The following OPN5 variants were observed in gnomAD, a reference collection of about 807,000 sequenced individuals.
OPN5 encodes the protein opsin 5.
OPN5 carries 18 observed loss-of-function variants against 41.7 expected under a neutral mutation model. The ratio of observed to expected loss-of-function variants is 0.43; its 90% CI spans 0.30 to 0.64. The LOEUF (loss-of-function observed/expected upper bound fraction) is 0.64. Ranked by LOEUF, OPN5 falls within the 30% of genes least tolerant of loss-of-function variation. The pLI is 0.13. For missense variants in OPN5, 318 were observed against 434.5 expected, an observed-to-expected ratio of 0.73 and a Z score of 2.38; for synonymous variants, 178 against 164.3, an observed-to-expected ratio of 1.08 and a Z score of -0.64.
At chr6:47,789,450 C>T (rs144574128) in intron 2 of OPN5, among the ~76,000 whole-genome samples, 1,622 of 149,500 alleles carry the variant, frequency 0.011, 35 homozygotes, top group African/African-American at 0.038. Flanking sequence ...ATAAACTTGT[C>T]AGTCTTGATC....
At chr6:47,811,598 G>A in intron 5 of OPN5, 76 bp from the exon 6 acceptor site, 2 of 804,104 alleles carry the variant, frequency 2.5e-6, no homozygotes, top group Non-Finnish European at 2.1e-6. Flanking sequence ...ATATACATAT[G>A]TATGTATATG....
At chr6:47,819,379 A>AAT (rs544310153) in intron 6 of OPN5, among the ~76,000 whole-genome samples, 4,094 of 96,702 alleles carry the variant, frequency 0.042, 178 homozygotes, top group Non-Finnish European at 0.065. Flanking sequence ...TATAAGTAGA[A>AAT]ATATATATAT....
At chr6:47,826,091 A>T (rs752725541), downstream of OPN5, 1 of 152,060 alleles carries the variant, frequency 6.6e-6, no homozygotes, top group Non-Finnish European at 1.5e-5. Flanking sequence ...AAAAATTTTA[A>T]TGGAATTTTT....
intron 5 of OPN5, 139 bp from the exon 6 acceptor site, chr6:47,811,535 G>A (rs1774203804): frequency 4.6e-6 from 2 of 431,740 alleles, no homozygotes; most frequent in Non-Finnish European, 8.3e-6. Flanking sequence ...ATTATTTTCT[G>A]TCTGTTGCTA....
intron 6 of OPN5, among the ~76,000 whole-genome samples, chr6:47,819,001 A>G (rs1009979955): frequency 5.9e-5 from 9 of 152,036 alleles, no homozygotes; most frequent in African/African-American, 2.2e-4. Flanking sequence ...ATGAAGACAG[A>G]CATTTATAAG....
intron 2 of OPN5, among the ~76,000 whole-genome samples, chr6:47,790,706 T>C (rs1405399511): frequency 1.3e-5 from 2 of 152,226 alleles, no homozygotes; most frequent in Non-Finnish European, 2.9e-5. Context: ...AAACTCACAC[T>C]TTCTTTCTCC....
At chr6:47,800,336 G>A (rs1405755195) in intron 4 of OPN5, among the ~76,000 whole-genome samples, 1 of 152,144 alleles carries the variant, frequency 6.6e-6, no homozygotes, top group Non-Finnish European at 1.5e-5. Flanking sequence ...ATGGGTGCTT[G>A]CTACTGACTG....
At chr6:47,820,186 T>C (rs888891077) in intron 6 of OPN5, among the ~76,000 whole-genome samples, 6 of 151,784 alleles carry the variant, frequency 4.0e-5, no homozygotes, top group African/African-American at 1.5e-4. Flanking sequence ...TTGCAAATCC[T>C]AAAATAGGAA....
intron 1 of OPN5, among the ~76,000 whole-genome samples, chr6:47,784,355 G>T (rs1246569597): frequency 6.6e-6 from 1 of 151,816 alleles, no homozygotes; most frequent in Non-Finnish European, 1.5e-5. Flanking sequence ...GGAGTGCAGT[G>T]GTGCGATCTC....
In OPN5 at chr6:47,806,613, G is replaced by A. The variant is rs1004688965; in HGVS notation, c.757-1541G>A. On this transcript the variant is annotated intron_variant, in intron 4 of 6. Coordinates refer to ENST00000371211, the Ensembl canonical transcript of OPN5. The stretch of plus-strand genomic sequence containing the variant: ...CTACAGGCTAATCCTCCTAAGCAGC[G>A]CTCTCATCATATTTCCTGCTCAAAA... Among the ~76,000 whole-genome samples the A allele has an allele frequency of 2.0e-5, 3 of 151,954 alleles. No individual in the cohort carries two copies. The East Asian group carries it at 5.8e-4, about 29-fold the overall frequency.
chr6:47,795,627 G>A, intron 4 of OPN5, 64 bp downstream of exon 4: 1 of 1,138,762 alleles, frequency 8.8e-7, no homozygotes, highest in Non-Finnish European at 1.3e-6. Flanking sequence ...GGGTACAAAG[G>A]ATAGGGAACG....
intron 2 of OPN5, among the ~76,000 whole-genome samples, chr6:47,789,406 GT>G (rs35576844): frequency 0.088 from 12,498 of 141,752 alleles, 810 homozygotes; most frequent in African/African-American, 0.2. Flanking sequence ...AAATTTAGGT[GT>G]TTTTTTTTTT....
chr6:47,823,907 C>T, intron 6 of OPN5, 76 bp from the exon 7 acceptor site: 1 of 1,060,348 alleles, frequency 9.4e-7, no homozygotes, highest in Non-Finnish European at 1.4e-6. Flanking sequence ...TGTTTAGGCT[C>T]TGAATTTAGT....
At chr6:47,808,446 C>T (rs368893910) in intron 5 of OPN5, 51 bp downstream of exon 5, 80 of 1,602,390 alleles carry the variant, frequency 5.0e-5, no homozygotes, top group East Asian at 8.9e-5. Flanking sequence ...TTTCAAAATC[C>T]GGCAGGGTTC....
intron 6 of OPN5, among the ~76,000 whole-genome samples, chr6:47,815,196 C>T (rs1160748854): frequency 6.6e-6 from 1 of 152,056 alleles, no homozygotes; most frequent in Non-Finnish European, 1.5e-5. Context: ...AAGTTTTTGA[C>T]TTTTAGAAAT....
chr6:47,798,983 C>A (rs1437975344), intron 4 of OPN5, among the ~76,000 whole-genome samples: 3 of 152,068 alleles, frequency 2.0e-5, no homozygotes, highest in Non-Finnish European at 2.9e-5. Context: ...AGATCAAAAT[C>A]ATTTAGTTTT....
chr6:47,791,622 T>G (rs1336437580), intron 2 of OPN5, among the ~76,000 whole-genome samples, 180 bp from the exon 3 acceptor site: 2 of 152,242 alleles, frequency 1.3e-5, no homozygotes, highest in Non-Finnish European at 2.9e-5. Context: ...AGCTTCAAAC[T>G]GAGTTTATTC....
At chr6:47,817,039 G>C (rs572952178) in intron 6 of OPN5, among the ~76,000 whole-genome samples, 1 of 152,216 alleles carries the variant, frequency 6.6e-6, no homozygotes, top group South Asian at 2.1e-4. Flanking sequence ...TGTGGAAATA[G>C]CAACTGGTAG....
chr6:47,793,086 A>G (rs886361173), intron 3 of OPN5, among the ~76,000 whole-genome samples: 2 of 151,940 alleles, frequency 1.3e-5, no homozygotes, highest in African/African-American at 4.8e-5. Flanking sequence ...AAAATATACA[A>G]CTATACATAT....
Sources: allele counts gnomAD v4.1 joint callset (sites outside exome capture counted in the v4.1 genomes callset), GRCh38; gene constraint gnomAD v4.1.1; transcripts MANE v1.5; gene names NCBI Gene and HGNC (gene_info 2026-07-23, HGNC 2026-07-21).